Variants in BCAR3 observed in about 807,000 individuals in gnomAD.
BCAR3 encodes breast cancer anti-estrogen resistance protein 3.
Under a neutral mutation model 80.1 loss-of-function variants are expected in BCAR3, and 37 were observed. That is an observed-to-expected ratio of 0.46 (90% CI 0.36 to 0.61). BCAR3 has a LOEUF of 0.61. Ranked by LOEUF, BCAR3 falls within the 20% of genes least tolerant of loss-of-function variation. The probability of loss-of-function intolerance (pLI) is 0.00; values close to 1 mark genes in which losing one functional copy is unlikely to be tolerated. For synonymous variants in BCAR3, 389 were observed against 418.9 expected, an observed-to-expected ratio of 0.93 and a Z score of 0.87; for missense variants, 978 against 1,068.2, an observed-to-expected ratio of 0.92 and a Z score of 1.18.
chr1:93,820,246 T>C (rs1035626836), intron 2 of BCAR3, among the ~76,000 whole-genome samples: 2 of 152,350 alleles, frequency 1.3e-5, no homozygotes, highest in South Asian at 4.1e-4. Context: ...CCAAACTAAG[T>C]ACTTGTACTT....
intron 2 of BCAR3, among the ~76,000 whole-genome samples, chr1:93,788,902 G>A (rs1473972127): frequency 1.3e-5 from 2 of 152,068 alleles, no homozygotes; most frequent in African/African-American, 4.8e-5. Flanking sequence ...AAGAACTTAG[G>A]CTAAAAGTTA....
rs578075544 is a variant in BCAR3, at chr1:93,592,579, A to G, written c.358-186T>C. 27 of 706,540 alleles carry G rather than the reference A, an allele frequency of 3.8e-5. No individual in the cohort carries two copies. The highest frequency in any genetic ancestry group is 5.7e-5 in the Non-Finnish European group (26 of 456,390). 43.8% of individuals were successfully genotyped at this position (706,540 alleles called of 1,614,324 possible). ...TTCTCCGGCCGCAACCATGTAATAA[A>G]ATTTTCACCTGCACATGGGGACTAT... On this transcript the variant is annotated intron_variant, in intron 3 of 11. Coordinates refer to ENST00000260502, the MANE Select transcript of BCAR3 (RefSeq NM_003567.4). This position sits in a 1 kb window ranked among gnomAD's most constrained non-coding sequence, Gnocchi z 4.8.
chr1:93,815,083 T>C (rs1267897767), intron 2 of BCAR3, among the ~76,000 whole-genome samples: 3 of 152,188 alleles, frequency 2.0e-5, no homozygotes, highest in Non-Finnish European at 4.4e-5. Flanking sequence ...CCCACAGAGC[T>C]ACAGTTTATT....
intron 3 of BCAR3, among the ~76,000 whole-genome samples, chr1:93,641,180 C>T (rs996876764): frequency 1.3e-5 from 2 of 152,208 alleles, no homozygotes; most frequent in African/African-American, 4.8e-5. Flanking sequence ...GAATATCCAC[C>T]TCCATTCCAA....
intron 2 of BCAR3, among the ~76,000 whole-genome samples, chr1:93,666,612 A>AT (rs1647926573): frequency 6.6e-6 from 1 of 152,256 alleles, no homozygotes; most frequent in African/African-American, 2.4e-5. Context: ...AATGCCTGGC[A>AT]TAAAACAAGC....
intron 2 of BCAR3, among the ~76,000 whole-genome samples, chr1:93,654,396 C>T (rs950788061): frequency 1.3e-5 from 2 of 152,040 alleles, no homozygotes; most frequent in Non-Finnish European, 2.9e-5. Flanking sequence ...CCCTCACCAC[C>T]GACAGCCAGG....
chr1:93,776,024 C>T (rs1042778033), intron 2 of BCAR3, among the ~76,000 whole-genome samples: 1 of 152,170 alleles, frequency 6.6e-6, no homozygotes, highest in Non-Finnish European at 1.5e-5. Context: ...TAGCCAGTAG[C>T]TTCCAGCAAA....
chr1:93,740,753 C>T (rs1358616632), intron 2 of BCAR3, among the ~76,000 whole-genome samples: 2 of 152,082 alleles, frequency 1.3e-5, no homozygotes, highest in African/African-American at 2.4e-5. Context: ...TCCAGCAGCC[C>T]GGCCTAATAT....
chr1:93,822,244 C>T (rs1209061718), intron 2 of BCAR3, among the ~76,000 whole-genome samples: 2 of 144,476 alleles, frequency 1.4e-5, no homozygotes, highest in Admixed American at 7.0e-5. Context: ...GTGGTGTGAT[C>T]TCGGCTCACT....
In BCAR3 at chr1:93,621,519, G is replaced by A. The variant is rs1266632929; in HGVS notation, c.357+20785C>T. ...CCTTGGTGGTCACAGAAGTGAGTAC[G>A]GACTGATAAAGCACCCTGGCTGGCC... is the stretch of plus-strand genomic sequence containing the variant. On this transcript the variant is annotated intron_variant, in intron 3 of 11. Coordinates refer to ENST00000260502, the MANE Select transcript of BCAR3 (RefSeq NM_003567.4). 1.4e-4 allele frequency among the ~76,000 whole-genome samples: 21 copies of A among 152,160 alleles called. 1 individual carries two copies. Among genetic ancestry groups the A allele is most frequent in the Admixed American group, 1.3e-3 (20 of 15,272 alleles).
chr1:93,679,098 G>A (rs1245751429), intron 1 of BCAR3, among the ~76,000 whole-genome samples: 1 of 152,168 alleles, frequency 6.6e-6, no homozygotes, highest in Admixed American at 6.5e-5. Context: ...CAGCTGTATG[G>A]CCTGGGACAA....
intron 3 of BCAR3, among the ~76,000 whole-genome samples, chr1:93,605,190 T>C (rs1293011040): frequency 1.3e-5 from 2 of 152,196 alleles, no homozygotes; most frequent in Non-Finnish European, 2.9e-5. Flanking sequence ...AGGCCTGTAT[T>C]CTCATTCCTC....
chr1:93,573,022 G>C (rs1444029587), intron 8 of BCAR3, among the ~76,000 whole-genome samples: 5 of 152,200 alleles, frequency 3.3e-5, no homozygotes. Context: ...GCTTGGGCTG[G>C]TACCTAACTG....
chr1:93,628,039 A>G (rs1204379841), intron 3 of BCAR3, among the ~76,000 whole-genome samples: 1 of 152,218 alleles, frequency 6.6e-6, no homozygotes, highest in Non-Finnish European at 1.5e-5. Context: ...TCGGTTGCCA[A>G]GAAGTTTTAT....
At chr1:93,806,472 C>T (rs138738314) in intron 2 of BCAR3, among the ~76,000 whole-genome samples, 1 of 152,300 alleles carries the variant, frequency 6.6e-6, no homozygotes, top group African/African-American at 2.4e-5. Flanking sequence ...CTTAGGTAAT[C>T]TCTTGGAACT....
intron 1 of BCAR3, chr1:93,846,758 C>G: frequency 2.3e-6 from 1 of 425,962 alleles, no homozygotes. Context: ...CGCGCGGGCT[C>G]GGGGCAGCTG....
At chr1:93,619,868 C>A (rs564191669) in intron 3 of BCAR3, among the ~76,000 whole-genome samples, 1 of 152,182 alleles carries the variant, frequency 6.6e-6, no homozygotes, top group African/African-American at 2.4e-5. Flanking sequence ...GGCTAGAGAG[C>A]GAGCCAGGAT....
intron 3 of BCAR3, among the ~76,000 whole-genome samples, chr1:93,635,610 C>T (rs749519560): frequency 2.6e-5 from 4 of 152,290 alleles, no homozygotes; most frequent in South Asian, 2.1e-4. Context: ...AGCTCCCTTT[C>T]GTCCCTCTGC....
chr1:93,642,275 C>A, intron 3 of BCAR3, 29 bp downstream of exon 3: 2 of 1,609,598 alleles, frequency 1.2e-6, no homozygotes, highest in Non-Finnish European at 1.7e-6. Context: ...CCCAGGGTCA[C>A]GGCTACATGT....
Sources: allele counts gnomAD v4.1 joint callset (sites outside exome capture counted in the v4.1 genomes callset), GRCh38; gene constraint gnomAD v4.1.1; non-coding constraint Gnocchi (gnomAD v3.1); transcripts MANE v1.5; gene names NCBI Gene and HGNC (gene_info 2026-07-23, HGNC 2026-07-21).